INPP5D: variants seen among roughly 807,000 people sequenced by gnomAD.
INPP5D encodes the protein phosphatidylinositol 3,4,5-trisphosphate 5-phosphatase 1.
A neutral mutation model predicts 122.9 loss-of-function variants in INPP5D; 33 were observed. That is an observed-to-expected ratio of 0.27 (90% CI 0.20 to 0.36). The LOEUF is 0.36. INPP5D is among the 10% of genes least tolerant of loss of function. The pLI is 1.00. For missense variants in INPP5D, 1,053 were observed against 1,412.7 expected (o/e 0.75, Z 4.08); for synonymous variants, 584 against 576.2 (o/e 1.01, Z -0.19).
At chr2:233,145,370 G>A in intron 6 of INPP5D, 1 of 456,030 alleles carries the variant, frequency 2.2e-6, no homozygotes, top group Non-Finnish European at 4.4e-6. Context: ...GAGCCCCAGT[G>A]TTGCAGTACT....
rs558184586 is a variant in INPP5D at position 233,078,147 on chromosome 2, A to G, written c.135-1188A>G. 6.5e-4 allele frequency among the ~76,000 whole-genome samples: 99 copies of G among 152,322 alleles called. No individual in the cohort carries two copies. Among genetic ancestry groups the G allele is most frequent in the African/African-American group, 2.2e-3 (93 of 41,590 alleles). ...AATAGCTTTCCCTCGATCTCCTGAC[A>G]GCCTTCTGGCCTCAGCAGCCGATGG... On this transcript the variant is annotated intron_variant, in intron 1 of 26. Transcript: ENST00000445964. The surrounding 1 kb of genome is among the most constrained non-coding windows in gnomAD (Gnocchi z 4.6).
At chr2:233,124,416 C>T (rs932907215) in intron 3 of INPP5D, among the ~76,000 whole-genome samples, 1 of 152,354 alleles carries the variant, frequency 6.6e-6, no homozygotes, top group African/African-American at 2.4e-5. Flanking sequence ...GGTTGTGCAG[C>T]TGTTCGTTTC....
At chr2:233,095,956 C>T in intron 2 of INPP5D, among the ~76,000 whole-genome samples, 1 of 152,184 alleles carries the variant, frequency 6.6e-6, no homozygotes, top group Non-Finnish European at 1.5e-5. Context: ...TTGCTTTCTT[C>T]CCTTAGCAAT....
At chr2:233,115,701 G>A (rs1474006439) in intron 2 of INPP5D, among the ~76,000 whole-genome samples, 4 of 152,148 alleles carry the variant, frequency 2.6e-5, no homozygotes, top group African/African-American at 4.8e-5. Flanking sequence ...GGCAATCCAC[G>A]TCTCTGGTTC....
intron 1 of INPP5D, among the ~76,000 whole-genome samples, chr2:233,061,472 G>A (rs77391586): frequency 0.068 from 10,417 of 152,120 alleles, 468 homozygotes; most frequent in Non-Finnish European, 0.093. Context: ...AGGCAGTGCC[G>A]GAGTGTAGTC....
chr2:233,127,902 C>A (rs2106261623), intron 4 of INPP5D, among the ~76,000 whole-genome samples: 1 of 152,330 alleles, frequency 6.6e-6, no homozygotes, highest in South Asian at 2.1e-4. Flanking sequence ...GCCACTGTGC[C>A]CAGCCTACCA....
At chr2:233,061,338 G>A (rs182338470) in intron 1 of INPP5D, among the ~76,000 whole-genome samples, 4 of 151,990 alleles carry the variant, frequency 2.6e-5, no homozygotes, top group Non-Finnish European at 5.9e-5. Flanking sequence ...ACTTGCTGAA[G>A]GTTCCTTTCT....
At chr2:233,075,337 C>T (rs1011989734) in intron 1 of INPP5D, among the ~76,000 whole-genome samples, 2 of 152,134 alleles carry the variant, frequency 1.3e-5, no homozygotes, top group African/African-American at 2.4e-5. Flanking sequence ...CCAGTGTTAG[C>T]GTAACAAGGT....
At position 233,177,482 on chromosome 2, in the gene INPP5D, C is replaced by G; in HGVS notation, c.2071+136C>G. The G allele has an allele frequency of 1.4e-6, 2 of 1,423,840 alleles. No individual in the cohort carries two copies. The highest frequency in any genetic ancestry group is 2.6e-5 in the South Asian group (2 of 77,876). 88.2% of individuals were successfully genotyped at this position (1,423,840 alleles called of 1,614,324 possible). Reference sequence around the variant, plus strand: ...GGAATTCACTGTAACCCTAATCAGGCGACCTGGAAATGTTGATGCTTCCCT... The same window carrying G: ...GGAATTCACTGTAACCCTAATCAGGGGACCTGGAAATGTTGATGCTTCCCT... On this transcript the variant is annotated intron_variant, in intron 18 of 26. Transcript: ENST00000445964. This position sits in a 1 kb window ranked among gnomAD's most constrained non-coding sequence, Gnocchi z 4.2.
intron 21 of INPP5D, 23 bp downstream of exon 21, chr2:233,185,948 C>T (rs776934766): frequency 3.2e-6 from 5 of 1,569,914 alleles, no homozygotes; most frequent in Non-Finnish European, 4.3e-6. Flanking sequence ...CAAGGCATTC[C>T]CCAGAGGGAG....
At chr2:233,062,486 TG>T (rs1313079331) in intron 1 of INPP5D, among the ~76,000 whole-genome samples, 1 of 152,218 alleles carries the variant, frequency 6.6e-6, no homozygotes, top group Non-Finnish European at 1.5e-5. Flanking sequence ...TCAAAACTGC[TG>T]GGATCCAGGC....
chr2:233,136,956 G>C (rs1044706133), intron 5 of INPP5D, among the ~76,000 whole-genome samples: 3 of 152,116 alleles, frequency 2.0e-5, no homozygotes, highest in African/African-American at 7.2e-5. Flanking sequence ...CATAGTTTAC[G>C]TAAAATATAA....
Position 233,170,286 on chromosome 2 carries a change from T to C in INPP5D, c.1791+122T>C. On this transcript the variant is annotated intron_variant, in intron 15 of 26. Coordinates refer to ENST00000445964, the MANE Select transcript of INPP5D (RefSeq NM_001017915.3). This position sits in a 1 kb window ranked among gnomAD's most constrained non-coding sequence, Gnocchi z 4.5. Reference sequence around the variant, plus strand: ...AAGTGGGCTGAGGCGGCTGCTCCCCTTGGGGGCTCAACGCTGTTTCCATTA... The same window carrying C: ...AAGTGGGCTGAGGCGGCTGCTCCCCCTGGGGGCTCAACGCTGTTTCCATTA... The C allele has an allele frequency of 6.6e-7, 1 of 1,509,290 alleles. No individual in the cohort carries two copies. The highest frequency in any genetic ancestry group is 8.9e-7 in the Non-Finnish European group (1 of 1,124,946). 93.5% of individuals were successfully genotyped at this position (1,509,290 alleles called of 1,614,324 possible). A position where few individuals can be genotyped will look rare whatever the true frequency, so the allele number is the denominator to read the frequency against.
At chr2:233,169,480 G>T in intron 14 of INPP5D, 79 bp downstream of exon 14, 1 of 1,539,240 alleles carries the variant, frequency 6.5e-7, no homozygotes, top group Non-Finnish European at 8.8e-7. Context: ...AGCACCAGAA[G>T]GACCTGCTCA....
intron 1 of INPP5D, among the ~76,000 whole-genome samples, chr2:233,067,240 T>A (rs1208870420): frequency 6.6e-6 from 1 of 152,250 alleles, no homozygotes; most frequent in Non-Finnish European, 1.5e-5. Flanking sequence ...TGGCAGCAAC[T>A]AAATGACTTT....
chr2:233,080,337 A>G (rs1691644167), intron 2 of INPP5D, among the ~76,000 whole-genome samples: 1 of 152,094 alleles, frequency 6.6e-6, no homozygotes, highest in Non-Finnish European at 1.5e-5. Context: ...GTGACAACTG[A>G]GTGTGTGGAA....
At chr2:233,144,699 A>ATGGTGAGGGTGGAGGTGGTG (rs1693711857) in intron 6 of INPP5D, among the ~76,000 whole-genome samples, 1 of 54,460 alleles carries the variant, frequency 1.8e-5, no homozygotes, top group Non-Finnish European at 5.4e-5. Context: ...TGGAGGTGGT[A>ATGGTGAGGGTGGAGGTGGTG]GTAGTGATGG....
rs1448434412 is a variant in INPP5D at position 233,198,335 on chromosome 2, A to G, written c.2934A>G (p.Ser978=). Residue 978 remains serine (S), a synonymous_variant, in exon 25 of 27, where the codon TCA becomes TCG. Coordinates refer to ENST00000445964, the MANE Select transcript of INPP5D (RefSeq NM_001017915.3). ...TATCACCCAAGAAGTTTTTACCCTC[A>G]ACAGCAAACCGGGGTCTCCCTCCCA... ...PPISPKKFLP[S]TANRGLPPRT... 6.2e-7 allele frequency: 1 copy of G among 1,613,582 alleles called. No individual in the cohort carries two copies. Among genetic ancestry groups the G allele is most frequent in the African/African-American group, 1.3e-5 (1 of 75,052 alleles).
chr2:233,125,785 C>T lies in INPP5D; in HGVS notation c.390C>T (p.Asn130=). 1 of 1,613,892 alleles carries T rather than the reference C, an allele frequency of 6.2e-7. No individual in the cohort carries two copies. Among genetic ancestry groups the T allele is most frequent in the Non-Finnish European group, 8.5e-7 (1 of 1,179,836 alleles). ...VVSPPELPPR[N]IPLTASSCEA... is the part of the protein sequence containing the mutation. ...CTCCACCCGAGCTGCCCCCAAGAAA[C>T]ATCCCGCTGACTGCCAGCTCCTGTG... Residue 130 remains asparagine (N), a synonymous_variant, in exon 4 of 27, where the codon AAC becomes AAT. Coordinates refer to ENST00000445964, the MANE Select transcript of INPP5D (RefSeq NM_001017915.3).
Sources: allele counts gnomAD v4.1 joint callset (sites outside exome capture counted in the v4.1 genomes callset), GRCh38; gene constraint gnomAD v4.1.1; non-coding constraint Gnocchi (gnomAD v3.1); transcripts MANE v1.5; gene names NCBI Gene and HGNC (gene_info 2026-07-23, HGNC 2026-07-21).